The following FANCB variants were observed in gnomAD, a reference collection of about 807,000 sequenced individuals.
FANCB encodes the protein FA complementation group B.
Under a neutral mutation model 38.9 loss-of-function variants are expected in FANCB, and 5 were observed. That is an observed-to-expected ratio of 0.13 (90% CI 0.07 to 0.27). FANCB has a LOEUF of 0.27. FANCB is among the 10% of genes least tolerant of loss of function. The probability of loss-of-function intolerance (pLI) is 1.00; values close to 1 mark genes in which losing one functional copy is unlikely to be tolerated. For missense variants in FANCB, 573 were observed against 602.7 expected (o/e 0.95, Z 0.52); for synonymous variants, 236 against 215.4 (o/e 1.10, Z -0.84).
the FANCB span, chrX:14,690,915 T>C: frequency 1.0e-5 from 12 of 1,147,282 alleles, no homozygotes; most frequent in East Asian, 2.1e-4. Flanking sequence ...AGCTAGGCAA[T>C]GTAATTCAGA....
At chrX:14,763,504 G>C in the FANCB span, among the ~76,000 whole-genome samples, 4 of 111,750 alleles carry the variant, frequency 3.6e-5, no homozygotes, top group East Asian at 1.1e-3. Flanking sequence ...TCAGGGCAGG[G>C]TTACCATTGC....
At chrX:14,765,630 G>A in the FANCB span, among the ~76,000 whole-genome samples, 1 of 108,389 alleles carries the variant, frequency 9.2e-6, no homozygotes, top group South Asian at 3.8e-4. Flanking sequence ...AAGTCAGAAG[G>A]CATTTTTTGT....
chrX:14,735,526 C>A, the FANCB span, among the ~76,000 whole-genome samples: 1 of 111,895 alleles, frequency 8.9e-6, no homozygotes, highest in South Asian at 3.7e-4. Context: ...CCTGGAGGTC[C>A]ACTCCAGACC....
the FANCB span, among the ~76,000 whole-genome samples, chrX:14,748,937 G>A: frequency 8.9e-6 from 1 of 112,091 alleles, no homozygotes; most frequent in Non-Finnish European, 1.9e-5. Flanking sequence ...GATCAGAAAG[G>A]CTGGAGAACC....
At chrX:14,856,987 T>C (rs1402676673) in intron 5 of FANCB, among the ~76,000 whole-genome samples, 1 of 112,274 alleles carries the variant, frequency 8.9e-6, no homozygotes, top group Non-Finnish European at 1.9e-5. Context: ...GGTATTATAG[T>C]TGCATGAGGA....
chrX:14,809,628 AG>A, the FANCB span, among the ~76,000 whole-genome samples: 1 of 112,424 alleles, frequency 8.9e-6, no homozygotes, highest in Non-Finnish European at 1.9e-5. Context: ...AGGCTGGGGA[AG>A]GGGCGCCCGC....
the FANCB span, among the ~76,000 whole-genome samples, chrX:14,812,598 T>A: frequency 9.1e-6 from 1 of 110,086 alleles, no homozygotes; most frequent in South Asian, 3.8e-4. Flanking sequence ...ACATAGACCC[T>A]CCCAAGACTA....
At chrX:14,695,688 A>C in the FANCB span, among the ~76,000 whole-genome samples, 1 of 112,159 alleles carries the variant, frequency 8.9e-6, no homozygotes, top group Admixed American at 9.4e-5. Flanking sequence ...AAATGGGAGA[A>C]TGACTATGGT....
At chrX:14,836,515 C>T (rs2092341575) in intron 10 of FANCB, among the ~76,000 whole-genome samples, 1 of 112,127 alleles carries the variant, frequency 8.9e-6, no homozygotes, top group South Asian at 3.6e-4. Flanking sequence ...ATTTTTACAA[C>T]AAATCTTATT....
the FANCB span, among the ~76,000 whole-genome samples, chrX:14,773,597 T>C: frequency 1.5e-4 from 17 of 111,762 alleles, no homozygotes; most frequent in African/African-American, 5.5e-4. Context: ...GATTCTCACA[T>C]CTAAACAAAG....
intron 3 of FANCB, among the ~76,000 whole-genome samples, chrX:14,860,119 G>A (rs1319636407): frequency 9.0e-6 from 1 of 111,396 alleles, no homozygotes; most frequent in African/African-American, 3.3e-5. Context: ...ATTGGTCCCA[G>A]GGTAAACTAA....
At position 14,845,147 on chromosome X, in the gene FANCB, C is replaced by T. The variant is rs778604488; in HGVS notation, c.1636G>A (p.Gly546Arg). The T allele has an allele frequency of 4.1e-6, 5 of 1,211,257 alleles. No individual in the cohort carries two copies. The South Asian group carries it at 8.8e-5, about 21-fold the overall frequency. ...AACGTGACCCTTTTTGCTTCCAATC[C>T]TATTTCACATGGCATCAAGTATGGT... The part of the protein sequence containing the change: ...PAPYLMPCEI[G>R]LEAKRVTLTP... Residue 546 changes from glycine to arginine, a missense_variant, in exon 8 of 10, where the codon GGA becomes AGA. Gly to Arg is a moderately radical substitution (Grantham distance 125, BLOSUM62 -2). Transcript: ENST00000650831.
At chrX:14,725,313 G>C in the FANCB span, among the ~76,000 whole-genome samples, 3 of 111,762 alleles carry the variant, frequency 2.7e-5, no homozygotes, top group African/African-American at 6.5e-5. Context: ...TTATATCCAG[G>C]TCTGTGATTA....
At chrX:14,773,927 G>A in the FANCB span, among the ~76,000 whole-genome samples, 1 of 111,405 alleles carries the variant, frequency 9.0e-6, no homozygotes, top group Non-Finnish European at 1.9e-5. Flanking sequence ...GATCCATTAG[G>A]TGAACCAGAT....
At chrX:14,698,656 C>T in the FANCB span, among the ~76,000 whole-genome samples, 4 of 76,504 alleles carry the variant, frequency 5.2e-5, no homozygotes, top group Admixed American at 4.1e-4. Flanking sequence ...CCAGCCTGGG[C>T]GACAGAGTGA....
the FANCB span, among the ~76,000 whole-genome samples, chrX:14,795,771 G>C: frequency 8.9e-6 from 1 of 112,050 alleles, no homozygotes; most frequent in East Asian, 2.8e-4. Flanking sequence ...ATAAACACAA[G>C]AGAACAGAAT....
the FANCB span, among the ~76,000 whole-genome samples, chrX:14,804,092 T>C: frequency 8.9e-6 from 1 of 111,939 alleles, no homozygotes; most frequent in Non-Finnish European, 1.9e-5. Context: ...CTCAAGGATC[T>C]AGAACTAGAA....
the FANCB span, among the ~76,000 whole-genome samples, chrX:14,779,520 T>G: frequency 1.8e-5 from 2 of 112,133 alleles, no homozygotes; most frequent in African/African-American, 3.2e-5. Context: ...CAGTAGTGTT[T>G]GTCTCTTGCC....
At chrX:14,819,778 TG>T in the FANCB span, among the ~76,000 whole-genome samples, 1 of 111,914 alleles carries the variant, frequency 8.9e-6, no homozygotes, top group African/African-American at 3.3e-5. Flanking sequence ...TCTGCCATTT[TG>T]GATGTCAAAA....
Sources: allele counts gnomAD v4.1 joint callset (sites outside exome capture counted in the v4.1 genomes callset), GRCh38; gene constraint gnomAD v4.1.1; transcripts MANE v1.5; gene names NCBI Gene and HGNC (gene_info 2026-07-23, HGNC 2026-07-21).